PABPC1: variants seen among roughly 807,000 people sequenced by gnomAD.
PABPC1 encodes the protein polyadenylate-binding protein 1.
A neutral mutation model predicts 74.0 loss-of-function variants in PABPC1; 4 were observed. The observed-to-expected ratio is 0.05, with a 90% CI of 0.03 to 0.12. The LOEUF (loss-of-function observed/expected upper bound fraction) is 0.12, where lower values mean the gene tolerates loss of function less well. Ranked by LOEUF, PABPC1 falls within the 10% of genes least tolerant of loss-of-function variation. The pLI is 1.00. For missense variants in PABPC1, 271 were observed against 821.1 expected (o/e 0.33, Z 8.19); for synonymous variants, 227 against 264.1 (o/e 0.86, Z 1.36).
intron 11 of PABPC1, 31 bp downstream of exon 11, chr8:100,706,620 G>C (rs1810385881): frequency 6.3e-7 from 1 of 1,595,644 alleles, no homozygotes; most frequent in South Asian, 1.1e-5. Flanking sequence ...CAAGAAATGT[G>C]ATTTTTATTA....
chr8:100,711,306 A>C (rs1810522504), intron 7 of PABPC1, among the ~76,000 whole-genome samples: 1 of 152,054 alleles, frequency 6.6e-6, no homozygotes, highest in Non-Finnish European at 1.5e-5. Context: ...ACACCTCATA[A>C]GTTTAAGAAT....
At chr8:100,716,908 T>C (rs1041439911) in intron 3 of PABPC1, among the ~76,000 whole-genome samples, 2 of 152,254 alleles carry the variant, frequency 1.3e-5, no homozygotes, top group African/African-American at 4.8e-5. Context: ...AAGAGTTATA[T>C]CACTTTTACT....
chr8:100,713,033 C>A, intron 5 of PABPC1, 54 bp downstream of exon 5: 1 of 1,285,878 alleles, frequency 7.8e-7, no homozygotes, highest in South Asian at 1.3e-5. Context: ...GACTTCAACA[C>A]AAGAGCAACT....
At chr8:100,706,588 T>C in intron 11 of PABPC1, 63 bp downstream of exon 11, 1 of 1,467,106 alleles carries the variant, frequency 6.8e-7, no homozygotes, top group African/African-American at 1.4e-5. Context: ...TGCCCAGCTG[T>C]CTTCACACCT....
intron 9 of PABPC1, 144 bp downstream of exon 9, chr8:100,708,989 T>C (rs2129694026): frequency 2.8e-6 from 2 of 721,130 alleles, no homozygotes; most frequent in East Asian, 5.0e-5. Context: ...AGCACTGCTT[T>C]TAAATGCTAT....
In PABPC1 at chr8:100,721,473, G is replaced by T; in HGVS notation, c.111C>A (p.Ile37=). The T allele has an allele frequency of 1.2e-6, 2 of 1,612,158 alleles. No individual in the cohort carries two copies. The highest frequency in any genetic ancestry group is 1.7e-6 in the Non-Finnish European group (2 of 1,179,054). Residue 37 remains isoleucine, a synonymous_variant, in exon 1 of 15, where the codon ATC becomes ATA. Transcript: ENST00000318607. The surrounding 1 kb of genome is among the most constrained non-coding windows in gnomAD (Gnocchi z 7.4). ...LYEKFSPAGP[I]LSIRVCRDMI... ...TGTCCCTGCAGACCCGGATGGAGAG[G>T]ATGGGCCCGGCCGGGCTGAACTTCT...
At chr8:100,708,225 G>A (rs899482751) in intron 9 of PABPC1, among the ~76,000 whole-genome samples, 3 of 152,172 alleles carry the variant, frequency 2.0e-5, no homozygotes, top group African/African-American at 4.8e-5. Context: ...AAATATACCT[G>A]AAACATAATC....
intron 9 of PABPC1, among the ~76,000 whole-genome samples, chr8:100,707,479 C>G (rs577700806): frequency 1.6e-4 from 24 of 152,328 alleles, no homozygotes; most frequent in African/African-American, 5.3e-4. Flanking sequence ...AGAGGGGGCC[C>G]TTCCCCGCCT....
chr8:100,715,430 T>G (rs1033870971), intron 4 of PABPC1, 32 bp downstream of exon 4: 1 of 1,559,446 alleles, frequency 6.4e-7, no homozygotes, highest in East Asian at 2.3e-5. Flanking sequence ...ATTCAGAGCT[T>G]TGTGTGTAAA....
chr8:100,705,959 T>C (rs1490433137), intron 11 of PABPC1, among the ~76,000 whole-genome samples: 1 of 152,248 alleles, frequency 6.6e-6, no homozygotes. Flanking sequence ...GCAACTTTCC[T>C]GCCTCAGCCT....
intron 9 of PABPC1, among the ~76,000 whole-genome samples, chr8:100,708,167 C>T (rs1810431533): frequency 6.6e-6 from 1 of 152,218 alleles, no homozygotes; most frequent in African/African-American, 2.4e-5. Flanking sequence ...CAGCTCGTGT[C>T]CTCGGTCTCT....
Position 100,705,659 on chromosome 8 carries a change from T to C in PABPC1, c.1617A>G (p.Val539=). 1 of 1,612,824 alleles carries C rather than the reference T, an allele frequency of 6.2e-7. No individual in the cohort carries two copies. The highest frequency in any genetic ancestry group is 2.2e-5 in the East Asian group (1 of 44,868). Residue 539 remains valine, a synonymous_variant, in exon 12 of 15, where the codon GTA becomes GTG. Coordinates refer to ENST00000318607, the MANE Select transcript of PABPC1 (RefSeq NM_002568.4). ...AAGCAGTCAAAGGTTCCTGACCTTGTACATGAACAGCAGGCTAGACAGAAA... is the reference window on the plus strand; with the variant it reads ...AAGCAGTCAAAGGTTCCTGACCTTGCACATGAACAGCAGGCTAGACAGAAA... The part of the protein sequence containing the change: ...QVTMQQPAVH[V]QGQEPLTASM...
intron 3 of PABPC1, among the ~76,000 whole-genome samples, chr8:100,716,365 C>G (rs1280915575): frequency 1.3e-5 from 2 of 152,238 alleles, no homozygotes; most frequent in Admixed American, 6.5e-5. Context: ...CACCACTGCA[C>G]TCCAGCCTGG....
intron 9 of PABPC1, 79 bp downstream of exon 9, chr8:100,709,054 T>C (rs1250372837): frequency 3.8e-6 from 4 of 1,061,484 alleles, no homozygotes; most frequent in African/African-American, 1.6e-5. Context: ...TAACCTAACA[T>C]TGACATAGAA....
rs1278744985 is a variant in PABPC1 at position 100,706,532 on chromosome 8, C to T, written c.1602+119G>A. On this transcript the variant is annotated intron_variant, in intron 11 of 14. Coordinates refer to ENST00000318607, the MANE Select transcript of PABPC1 (RefSeq NM_002568.4). The stretch of plus-strand genomic sequence containing the variant: ...AAACTCCTGGTCTCAAGCAATCTGC[C>T]TGCCTCAACCTCCCAAAGTGCTGGG... 5 of 813,444 alleles carry T rather than the reference C, an allele frequency of 6.1e-6. No homozygotes were observed. In the East Asian group the frequency reaches 1.1e-4, roughly 19 times the overall value. 50.4% of individuals were successfully genotyped at this position (813,444 alleles called of 1,614,324 possible).
chr8:100,717,702 T>C, intron 3 of PABPC1, 71 bp downstream of exon 3: 1 of 941,418 alleles, frequency 1.1e-6, no homozygotes, highest in Non-Finnish European at 1.6e-6. Flanking sequence ...AAATATTAAC[T>C]TAAAATGAAT....
intron 7 of PABPC1, 104 bp from the exon 8 acceptor site, chr8:100,709,835 A>G: frequency 8.1e-7 from 1 of 1,228,632 alleles, no homozygotes; most frequent in Non-Finnish European, 1.1e-6. Flanking sequence ...AAATAACTAA[A>G]CCCTGTTAAT....
At chr8:100,717,640 C>T (rs1197506844) in intron 3 of PABPC1, 133 bp downstream of exon 3, 3 of 615,528 alleles carry the variant, frequency 4.9e-6, no homozygotes, top group East Asian at 5.6e-5. Context: ...TGTTATTCAT[C>T]TTTAAAATGT....
At position 100,717,758 on chromosome 8, in the gene PABPC1, A is replaced by T; in HGVS notation, c.503+15T>A. ...TAAGATTCAAAATATGATTAGCTAG[A>T]TATTTATAACTTACACTTTGCGATC... is the stretch of plus-strand genomic sequence containing the variant. On this transcript the variant is annotated intron_variant, in intron 3 of 14. Coordinates refer to ENST00000318607, the MANE Select transcript of PABPC1 (RefSeq NM_002568.4). The T allele has an allele frequency of 7.3e-7, 1 of 1,375,494 alleles. No individual in the cohort carries two copies. Among genetic ancestry groups the T allele is most frequent in the Non-Finnish European group, 1.0e-6 (1 of 969,938 alleles). 85.2% of individuals were successfully genotyped at this position (1,375,494 alleles called of 1,614,324 possible).
Sources: gnomAD v4.1 joint callset for allele counts (sites outside exome capture counted in the v4.1 genomes callset) on GRCh38, gnomAD v4.1.1 for gene constraint, Gnocchi (gnomAD v3.1) non-coding constraint, MANE v1.5 for transcripts, NCBI Gene and HGNC (gene_info 2026-07-23, HGNC 2026-07-21) for gene names.